SPAG16: variants seen among roughly 807,000 people sequenced by gnomAD.
The protein encoded by SPAG16 is sperm-associated antigen 16 protein.
Under a neutral mutation model 80.4 loss-of-function variants are expected in SPAG16, and 86 were observed. The ratio of observed to expected loss-of-function variants is 1.07; its 90% CI spans 0.90 to 1.28. SPAG16 has a LOEUF of 1.28. Ranked by LOEUF, SPAG16 falls within the 50% of genes most tolerant of loss-of-function variation. The probability of loss-of-function intolerance (pLI) is 0.00; values close to 1 mark genes in which losing one functional copy is unlikely to be tolerated. For synonymous variants in SPAG16, 294 were observed against 265.9 expected (o/e 1.11, Z -1.03); for missense variants, 870 against 765.3 (o/e 1.14, Z -1.61).
chr2:213,287,068 G>A (rs187621531), intron 1 of SPAG16, among the ~76,000 whole-genome samples: 1 of 152,258 alleles, frequency 6.6e-6, no homozygotes, highest in Admixed American at 6.5e-5. Flanking sequence ...CTTCAACAAG[G>A]TGAGATACAA....
At chr2:214,266,330 A>G (rs1576632021) in intron 15 of SPAG16, among the ~76,000 whole-genome samples, 1 of 151,964 alleles carries the variant, frequency 6.6e-6, no homozygotes, top group African/African-American at 2.4e-5. Flanking sequence ...CTAGAATCTT[A>G]GTAATGTTGA....
intron 9 of SPAG16, among the ~76,000 whole-genome samples, chr2:213,448,934 G>T (rs894322464): frequency 2.6e-5 from 4 of 152,112 alleles, no homozygotes; most frequent in African/African-American, 9.7e-5. Context: ...CAACCATAAG[G>T]TCTGACTGCC....
chr2:213,784,688 G>A (rs1042487552), intron 10 of SPAG16, among the ~76,000 whole-genome samples: 20 of 136,974 alleles, frequency 1.5e-4, no homozygotes, highest in Non-Finnish European at 3.1e-4. Flanking sequence ...ACTATATGCT[G>A]TTTGCTCTCT....
intron 13 of SPAG16, among the ~76,000 whole-genome samples, chr2:214,074,865 A>G (rs2050989998): frequency 6.6e-6 from 1 of 152,160 alleles, no homozygotes; most frequent in Non-Finnish European, 1.5e-5. Context: ...AAATGCCCCA[A>G]AGTAAAACAG....
intron 9 of SPAG16, among the ~76,000 whole-genome samples, chr2:213,421,914 A>T (rs558428218): frequency 6.6e-6 from 1 of 152,224 alleles, no homozygotes; most frequent in Non-Finnish European, 1.5e-5. Context: ...CATTGGGCTG[A>T]CGTGCCTGCA....
chr2:213,541,783 C>G (rs1575901346), intron 10 of SPAG16, among the ~76,000 whole-genome samples: 2 of 152,220 alleles, frequency 1.3e-5, no homozygotes, highest in Admixed American at 1.3e-4. Flanking sequence ...TCTGCAAAAG[C>G]AGGTGGATAA....
intron 9 of SPAG16, among the ~76,000 whole-genome samples, chr2:213,405,549 G>A (rs1160326735): frequency 6.6e-6 from 1 of 151,984 alleles, no homozygotes; most frequent in East Asian, 1.9e-4. Flanking sequence ...GTTGCCCTAT[G>A]GTGCTCTCAA....
At chr2:214,294,910 T>A (rs1297980726) in intron 15 of SPAG16, among the ~76,000 whole-genome samples, 1 of 152,236 alleles carries the variant, frequency 6.6e-6, no homozygotes, top group Non-Finnish European at 1.5e-5. Context: ...TTAATGACTG[T>A]TCTAATACAC....
intron 10 of SPAG16, among the ~76,000 whole-genome samples, chr2:213,560,670 C>T (rs2125981143): frequency 6.6e-6 from 1 of 152,244 alleles, no homozygotes; most frequent in African/African-American, 2.4e-5. Context: ...TATGTCACCT[C>T]TAAGAAAAAT....
intron 15 of SPAG16, among the ~76,000 whole-genome samples, chr2:214,278,646 G>A (rs868560853): frequency 1.3e-5 from 2 of 151,846 alleles, no homozygotes; most frequent in Non-Finnish European, 2.9e-5. Context: ...CTTATTTTCT[G>A]GTAAATAAAA....
intron 6 of SPAG16, among the ~76,000 whole-genome samples, chr2:213,344,612 G>T (rs570650869): frequency 6.6e-6 from 1 of 152,166 alleles, no homozygotes; most frequent in Non-Finnish European, 1.5e-5. Flanking sequence ...TCCCACCTAT[G>T]AGTGAGAACA....
At chr2:214,080,442 CA>C (rs11346646) in intron 13 of SPAG16, among the ~76,000 whole-genome samples, 88,237 of 136,796 alleles carry the variant, frequency 0.65, 27,849 homozygotes, top group Middle Eastern at 0.69. Context: ...ACTAAAAATA[CA>C]AAAAAAAAAA....
chr2:214,082,996 C>G (rs6728974), intron 13 of SPAG16, among the ~76,000 whole-genome samples: 1 of 152,098 alleles, frequency 6.6e-6, no homozygotes, highest in Admixed American at 6.5e-5. Flanking sequence ...TTTCTCACTT[C>G]CAGTAAATAA....
intron 13 of SPAG16, among the ~76,000 whole-genome samples, chr2:214,084,401 AT>A (rs572456172): frequency 1.8e-3 from 274 of 152,066 alleles, no homozygotes; most frequent in Non-Finnish European, 2.6e-3. Flanking sequence ...TGAAAAAAAA[AT>A]CATCTAGATT....
At chr2:213,476,727 C>A (rs921706979) in intron 9 of SPAG16, among the ~76,000 whole-genome samples, 1 of 152,134 alleles carries the variant, frequency 6.6e-6, no homozygotes, top group Non-Finnish European at 1.5e-5. Context: ...GCTCAGTGAG[C>A]AGGAGGGAGC....
chr2:213,334,396 A>G (rs2064251022), intron 5 of SPAG16, among the ~76,000 whole-genome samples: 1 of 152,208 alleles, frequency 6.6e-6, no homozygotes, highest in Non-Finnish European at 1.5e-5. Flanking sequence ...AACAGTTCGC[A>G]GTTCCTCAAA....
At chr2:214,090,587 C>T (rs1415381758) in intron 13 of SPAG16, among the ~76,000 whole-genome samples, 1 of 151,806 alleles carries the variant, frequency 6.6e-6, no homozygotes, top group African/African-American at 2.4e-5. Flanking sequence ...GATTTAGCAC[C>T]AGCAGTTGCT....
intron 8 of SPAG16, among the ~76,000 whole-genome samples, chr2:213,372,552 A>T (rs1307021502): frequency 2.0e-5 from 3 of 152,130 alleles, no homozygotes; most frequent in Non-Finnish European, 4.4e-5. Context: ...TGCCAAATTC[A>T]TGTAATTATT....
intron 15 of SPAG16, among the ~76,000 whole-genome samples, chr2:214,287,270 C>G (rs2125923634): frequency 6.6e-6 from 1 of 152,314 alleles, no homozygotes; most frequent in South Asian, 2.1e-4. Context: ...AGAAATTACT[C>G]TTCAAATTTC....
Sources: gnomAD v4.1 joint callset for allele counts (sites outside exome capture counted in the v4.1 genomes callset) on GRCh38, gnomAD v4.1.1 for gene constraint, MANE v1.5 for transcripts, NCBI Gene and HGNC (gene_info 2026-07-23, HGNC 2026-07-21) for gene names.